JAZF1: variants seen among roughly 807,000 people sequenced by gnomAD.
The protein encoded by JAZF1 is JAZF zinc finger 1, also known as juxtaposed with another zinc finger protein 1.
Under a neutral mutation model 26.4 loss-of-function variants are expected in JAZF1, and 8 were observed. The ratio of observed to expected loss-of-function variants is 0.30; its 90% confidence interval spans 0.18 to 0.55. JAZF1 has a LOEUF of 0.55. Ranked by LOEUF, JAZF1 falls within the 20% of genes least tolerant of loss-of-function variation. JAZF1 has a pLI of 0.94. For synonymous variants in JAZF1, 126 were observed against 122.3 expected, an observed-to-expected ratio of 1.03 and a Z score of -0.20; for missense variants, 199 against 322.0, an observed-to-expected ratio of 0.62 and a Z score of 2.92.
At chr7:28,174,824 GTGTGTGTGT>G (rs746362224) in intron 1 of JAZF1, among the ~76,000 whole-genome samples, 1,253 of 115,758 alleles carry the variant, frequency 0.011, 382 homozygotes, top group Non-Finnish European at 0.021. Context: ...GTGTGTGGGT[GTGTGTGTGT>G]GTGTGTGTGT....
chr7:28,090,228 A>T (rs1008576450), intron 1 of JAZF1, among the ~76,000 whole-genome samples: 7 of 152,264 alleles, frequency 4.6e-5, no homozygotes, highest in Admixed American at 4.6e-4. Flanking sequence ...TTGCCTGTAT[A>T]GCTCTTATAG....
rs78479526 is a variant in JAZF1 at position 27,892,832 on chromosome 7, G to C, written c.385+2388C>G. ...CTTGATTCTGTTCCTAAAATACAAA[G>C]TTGAAAACCCCAGATGAAAGAAATG... is the stretch of plus-strand genomic sequence containing the variant. On this transcript the variant is annotated intron_variant, in intron 3 of 4. Coordinates refer to ENST00000283928, the MANE Select transcript of JAZF1 (RefSeq NM_175061.4). Among the ~76,000 whole-genome samples, 801 of 152,256 alleles carry C rather than the reference G, an allele frequency of 5.3e-3. 6 individuals carry two copies. Among genetic ancestry groups the C allele is most frequent in the Non-Finnish European group, 7.5e-3 (513 of 68,002 alleles).
chr7:27,875,226 C>A (rs1048504155), intron 3 of JAZF1, among the ~76,000 whole-genome samples: 1 of 152,148 alleles, frequency 6.6e-6, no homozygotes, highest in Non-Finnish European at 1.5e-5. Flanking sequence ...CCAGCCTCAT[C>A]CAACTCCCAT....
intron 1 of JAZF1, among the ~76,000 whole-genome samples, chr7:28,125,070 C>T (rs1782673154): frequency 1.3e-5 from 2 of 151,220 alleles, no homozygotes; most frequent in African/African-American, 4.9e-5. Flanking sequence ...CTGTCTGTCA[C>T]TTTCTGAATA....
intron 3 of JAZF1, among the ~76,000 whole-genome samples, chr7:27,860,703 G>A (rs1583435103): frequency 6.6e-6 from 1 of 152,124 alleles, no homozygotes; most frequent in African/African-American, 2.4e-5. Context: ...CTCCTCCGTG[G>A]GGTGCAAGGG....
At chr7:27,909,428 C>T (rs571883127) in intron 2 of JAZF1, among the ~76,000 whole-genome samples, 5 of 151,476 alleles carry the variant, frequency 3.3e-5, no homozygotes, top group Non-Finnish European at 7.4e-5. Context: ...CACCACTGGC[C>T]GGGCGCGGTG....
chr7:28,097,066 C>A (rs1367162584), intron 1 of JAZF1, among the ~76,000 whole-genome samples: 1 of 152,170 alleles, frequency 6.6e-6, no homozygotes, highest in African/African-American at 2.4e-5. Context: ...GGGTTTTTAA[C>A]TAACTCTTTA....
chr7:28,097,058 GT>G (rs1784398307), intron 1 of JAZF1, among the ~76,000 whole-genome samples: 1 of 152,082 alleles, frequency 6.6e-6, no homozygotes, highest in South Asian at 2.1e-4. Flanking sequence ...AATATAAAGG[GT>G]TTTTAACTAA....
chr7:27,996,434 G>A (rs573400633), intron 1 of JAZF1, among the ~76,000 whole-genome samples: 2 of 152,302 alleles, frequency 1.3e-5, no homozygotes, highest in Non-Finnish European at 2.9e-5. Flanking sequence ...GAGAGGATGT[G>A]GGTGGGAAGG....
At chr7:28,035,951 T>C (rs563567778) in intron 1 of JAZF1, among the ~76,000 whole-genome samples, 5 of 152,180 alleles carry the variant, frequency 3.3e-5, no homozygotes, top group Non-Finnish European at 5.9e-5. Context: ...TGGAAGAAGA[T>C]ATATTTGTGA....
intron 1 of JAZF1, among the ~76,000 whole-genome samples, chr7:28,102,018 A>G (rs778457071): frequency 2.6e-5 from 4 of 152,152 alleles, no homozygotes; most frequent in Non-Finnish European, 5.9e-5. Context: ...CTCATCAGAC[A>G]TGTCTCAGTG....
At chr7:27,971,476 C>G (rs1275682419) in intron 2 of JAZF1, among the ~76,000 whole-genome samples, 4 of 152,134 alleles carry the variant, frequency 2.6e-5, no homozygotes, top group East Asian at 1.9e-4. Context: ...AGTGAGAGAG[C>G]CTTCAAAGGC....
At chr7:28,064,258 T>C (rs1441453433) in intron 1 of JAZF1, among the ~76,000 whole-genome samples, 1 of 151,998 alleles carries the variant, frequency 6.6e-6, no homozygotes, top group African/African-American at 2.4e-5. Flanking sequence ...AATAGAAACA[T>C]ATTTCAAACC....
chr7:27,833,245 A>G (rs1302103236), intron 4 of JAZF1: 1 of 218,888 alleles, frequency 4.6e-6, no homozygotes, highest in East Asian at 9.1e-5. Flanking sequence ...AATTTTATAT[A>G]AAATATATAT....
At chr7:28,013,388 G>A (rs946491788) in intron 1 of JAZF1, among the ~76,000 whole-genome samples, 4 of 152,090 alleles carry the variant, frequency 2.6e-5, no homozygotes, top group Non-Finnish European at 5.9e-5. Context: ...AAATAGGAGG[G>A]CCATTCAGGA....
chr7:28,031,840 T>C (rs959843927), intron 1 of JAZF1, among the ~76,000 whole-genome samples: 1 of 152,132 alleles, frequency 6.6e-6, no homozygotes, highest in African/African-American at 2.4e-5. Context: ...CATGTTCACC[T>C]GTGTAACAAA....
rs114810801 is a variant in JAZF1 at position 28,163,045 on chromosome 7, G to A, written c.115+17418C>T. 2.5e-3 allele frequency among the ~76,000 whole-genome samples: 377 copies of A among 152,310 alleles called. 2 individuals carry two copies. The highest frequency in any genetic ancestry group is 8.5e-3 in the African/African-American group (354 of 41,560). On this transcript the variant is annotated intron_variant, in intron 1 of 4. Coordinates refer to ENST00000283928, the MANE Select transcript of JAZF1 (RefSeq NM_175061.4). ...GCCCACAATTTAGTGAGGAGAAACA[G>A]GAAGATACTGGAATAACAATAATAG...
intron 2 of JAZF1, among the ~76,000 whole-genome samples, chr7:27,895,864 T>TA (rs1273819357): frequency 2.6e-5 from 4 of 152,222 alleles, no homozygotes; most frequent in Non-Finnish European, 4.4e-5. Context: ...CCATCTAACA[T>TA]AAATGGCCTC....
intron 1 of JAZF1, among the ~76,000 whole-genome samples, chr7:28,112,218 G>A (rs926363776): frequency 3.3e-5 from 5 of 152,146 alleles, no homozygotes; most frequent in Non-Finnish European, 7.4e-5. Context: ...AATTGGCAAC[G>A]GAAAGAAACC....
Sources: gnomAD v4.1 joint callset for allele counts (sites outside exome capture counted in the v4.1 genomes callset) on GRCh38, gnomAD v4.1.1 for gene constraint, MANE v1.5 for transcripts, NCBI Gene and HGNC (gene_info 2026-07-23, HGNC 2026-07-21) for gene names.